Variants in COL21A1 observed in about 807,000 individuals in gnomAD.
COL21A1 encodes the protein collagen type XXI alpha 1 chain.
COL21A1 carries 149 observed loss-of-function variants against 137.9 expected under a neutral mutation model. The ratio of observed to expected loss-of-function variants is 1.08; its 90% CI spans 0.95 to 1.24. The LOEUF (loss-of-function observed/expected upper bound fraction) is 1.24, where lower values mean the gene tolerates loss of function less well. Ranked by LOEUF, COL21A1 falls within the 50% of genes most tolerant of loss-of-function variation. The pLI is 0.00. For synonymous variants in COL21A1, 456 were observed against 391.5 expected, an observed-to-expected ratio of 1.16 and a Z score of -1.95; for missense variants, 1,167 against 1,158.4, an observed-to-expected ratio of 1.01 and a Z score of -0.11.
chr6:56,079,450 A>T (rs1324981751), intron 17 of COL21A1, among the ~76,000 whole-genome samples: 1 of 151,640 alleles, frequency 6.6e-6, no homozygotes, highest in African/African-American at 2.4e-5. Flanking sequence ...TATCCTGAAG[A>T]CAATCCCAGT....
intron 12 of COL21A1, among the ~76,000 whole-genome samples, chr6:56,135,951 A>C (rs1773966344): frequency 6.7e-6 from 1 of 149,690 alleles, no homozygotes; most frequent in African/African-American, 2.5e-5. Flanking sequence ...TTCATCCTTA[A>C]CTCATTCCTA....
chr6:56,124,202 A>C, intron 15 of COL21A1, 37 bp downstream of exon 15: 1 of 1,562,206 alleles, frequency 6.4e-7, no homozygotes, highest in Non-Finnish European at 8.7e-7. Context: ...ATTTTATTTA[A>C]AGCAAAATAC....
chr6:56,177,316 A>C (rs971117505), intron 3 of COL21A1, among the ~76,000 whole-genome samples: 15 of 152,194 alleles, frequency 9.9e-5, no homozygotes, highest in Non-Finnish European at 2.1e-4. Flanking sequence ...AGAGTATAAA[A>C]ATAAACAGTA....
At chr6:56,374,950 C>T (rs2093996533) in intron 1 of COL21A1, among the ~76,000 whole-genome samples, 1 of 151,214 alleles carries the variant, frequency 6.6e-6, no homozygotes, top group Non-Finnish European at 1.5e-5. Flanking sequence ...TGCCAGGAAA[C>T]TTTGCTGAGG....
At chr6:56,174,836 A>C (rs1428551765) in intron 3 of COL21A1, among the ~76,000 whole-genome samples, 1 of 152,106 alleles carries the variant, frequency 6.6e-6, no homozygotes, top group Non-Finnish European at 1.5e-5. Flanking sequence ...TACCAAAGCC[A>C]GAAAAAGATA....
chr6:56,125,141 C>T (rs1466944618), intron 14 of COL21A1, among the ~76,000 whole-genome samples: 2 of 149,266 alleles, frequency 1.3e-5, no homozygotes, highest in Non-Finnish European at 3.0e-5. Context: ...CTGCCTTAGC[C>T]TCCTGAGCAG....
chr6:56,074,718 G>C (rs1767056534), intron 19 of COL21A1, among the ~76,000 whole-genome samples: 1 of 151,112 alleles, frequency 6.6e-6, no homozygotes, highest in South Asian at 2.1e-4. Flanking sequence ...TAAACTCTCT[G>C]GATAATCTTT....
intron 1 of COL21A1, among the ~76,000 whole-genome samples, chr6:56,212,116 T>G (rs1780208595): frequency 6.6e-6 from 1 of 152,100 alleles, no homozygotes. Flanking sequence ...AGTACTTCAT[T>G]AACATTTCTT....
At chr6:56,065,685 CT>C (rs1766180600) in intron 23 of COL21A1, among the ~76,000 whole-genome samples, 1 of 151,788 alleles carries the variant, frequency 6.6e-6, no homozygotes, top group Admixed American at 6.6e-5. Context: ...CAGGTAGTTT[CT>C]TTTGGCTATA....
chr6:56,276,885 G>A (rs1355430680), intron 1 of COL21A1: 8 of 496,826 alleles, frequency 1.6e-5, no homozygotes, highest in Non-Finnish European at 2.9e-5. Context: ...CCAGCTCACT[G>A]CAAGCTCTGC....
At chr6:56,116,985 C>G (rs919844250) in intron 16 of COL21A1, among the ~76,000 whole-genome samples, 1 of 151,494 alleles carries the variant, frequency 6.6e-6, no homozygotes, top group Non-Finnish European at 1.5e-5. Flanking sequence ...AGTTATATCA[C>G]CAGAGAAAAT....
chr6:56,250,955 A>T (rs866010028), upstream of COL21A1, among the ~76,000 whole-genome samples: 18 of 152,196 alleles, frequency 1.2e-4, no homozygotes, highest in African/African-American at 4.1e-4. Context: ...GTTTTAGAAC[A>T]TTATTGTGCC....
intron 1 of COL21A1, among the ~76,000 whole-genome samples, chr6:56,246,313 A>C (rs1331780182): frequency 6.6e-6 from 1 of 152,210 alleles, no homozygotes; most frequent in Non-Finnish European, 1.5e-5. Context: ...TACAGCTGGA[A>C]GACTCATGTA....
At chr6:56,290,498 G>GTTTTTTGT (rs371058894) in intron 1 of COL21A1, among the ~76,000 whole-genome samples, 3 of 132,960 alleles carry the variant, frequency 2.3e-5, no homozygotes, top group African/African-American at 8.7e-5. Context: ...TCACTTAGGA[G>GTTTTTTGT]ATTTTTTTTT....
intron 23 of COL21A1, among the ~76,000 whole-genome samples, chr6:56,066,967 A>C (rs1051789545): frequency 1.4e-5 from 2 of 140,666 alleles, no homozygotes; most frequent in African/African-American, 5.4e-5. Flanking sequence ...GTGTGTGTAT[A>C]TATATATATA....
chr6:56,135,805 C>G (rs1237001765), intron 12 of COL21A1, among the ~76,000 whole-genome samples: 1 of 152,150 alleles, frequency 6.6e-6, no homozygotes, highest in Non-Finnish European at 1.5e-5. Context: ...TGAAGCCTTT[C>G]CAATTTTTAA....
At chr6:56,323,711 C>T (rs1247077324) in intron 1 of COL21A1, among the ~76,000 whole-genome samples, 2 of 152,086 alleles carry the variant, frequency 1.3e-5, no homozygotes, top group African/African-American at 4.8e-5. Context: ...GAAGGAGTAG[C>T]TCTTTCTTAA....
chr6:56,179,996 A>G lies in COL21A1; in HGVS notation c.222T>C (p.Ile74=). 1 of 1,613,916 alleles carries G rather than the reference A, an allele frequency of 6.2e-7. No individual in the cohort carries two copies. Among genetic ancestry groups the G allele is most frequent in the South Asian group, 1.1e-5 (1 of 91,082 alleles). ...TKNFDIGPKF[I]QVGVVQYSDY... ...CACTATATTGAACCACTCCAACTTG[A>G]ATAAACTTCGGCCCTATGTCAAAGT... Residue 74 remains isoleucine (I), a synonymous_variant, in exon 3 of 30, where the codon ATT becomes ATC. Coordinates refer to ENST00000244728, the MANE Select transcript of COL21A1 (RefSeq NM_030820.4).
At chr6:56,374,305 T>C (rs1193237268) in intron 1 of COL21A1, among the ~76,000 whole-genome samples, 4 of 152,160 alleles carry the variant, frequency 2.6e-5, no homozygotes, top group Non-Finnish European at 5.9e-5. Context: ...TTTTTTCCTA[T>C]TTACCAGCCT....
Sources: gnomAD v4.1 joint callset for allele counts (sites outside exome capture counted in the v4.1 genomes callset) on GRCh38, gnomAD v4.1.1 for gene constraint, MANE v1.5 for transcripts, NCBI Gene and HGNC (gene_info 2026-07-23, HGNC 2026-07-21) for gene names.